MBD5: variants seen among roughly 807,000 people sequenced by gnomAD.
The protein encoded by MBD5 is methyl-CpG binding domain protein 5.
In MBD5, 13 loss-of-function variants were observed where a neutral mutation model predicts 117.3. The ratio of observed to expected loss-of-function variants is 0.11; its 90% CI spans 0.07 to 0.18. The LOEUF is 0.18. MBD5 is among the 10% of genes least tolerant of loss of function. The pLI is 1.00. For synonymous variants in MBD5, 727 were observed against 766.4 expected, an observed-to-expected ratio of 0.95 and a Z score of 0.85; for missense variants, 1,879 against 2,093.8, an observed-to-expected ratio of 0.90 and a Z score of 2.00.
intron 4 of MBD5, among the ~76,000 whole-genome samples, chr2:148,421,027 G>T (rs1705587097): frequency 6.6e-6 from 1 of 152,140 alleles, no homozygotes; most frequent in African/African-American, 2.4e-5. Context: ...CTACACCCAT[G>T]AAAAGTGGTG....
intron 1 of MBD5, among the ~76,000 whole-genome samples, chr2:148,039,457 TA>T (rs1195252130): frequency 2.0e-5 from 3 of 152,146 alleles, no homozygotes; most frequent in Non-Finnish European, 4.4e-5. Context: ...CTGATGTACT[TA>T]AGTGTTTGTA....
At chr2:148,203,399 C>T (rs1699191893) in intron 2 of MBD5, among the ~76,000 whole-genome samples, 2 of 152,150 alleles carry the variant, frequency 1.3e-5, no homozygotes, top group African/African-American at 2.4e-5. Context: ...ATTTTCCACC[C>T]ATTCCCTTGC....
At chr2:148,270,226 G>T (rs1700951178) in intron 3 of MBD5, among the ~76,000 whole-genome samples, 1 of 151,934 alleles carries the variant, frequency 6.6e-6, no homozygotes. Flanking sequence ...GTATTGGCTG[G>T]CTTGTCTTGA....
intron 3 of MBD5, among the ~76,000 whole-genome samples, chr2:148,291,609 T>A (rs572155416): frequency 1.3e-4 from 20 of 152,308 alleles, no homozygotes; most frequent in African/African-American, 4.8e-4. Context: ...GCTGAACTTG[T>A]TAATTTTTGT....
intron 1 of MBD5, among the ~76,000 whole-genome samples, chr2:148,152,744 A>G (rs553919421): frequency 1.3e-5 from 2 of 150,338 alleles, no homozygotes; most frequent in African/African-American, 4.9e-5. Context: ...CTGTTTTATC[A>G]GAGACTAGGA....
intron 1 of MBD5, among the ~76,000 whole-genome samples, chr2:148,032,725 TAA>T (rs1254670182): frequency 6.6e-6 from 1 of 152,158 alleles, no homozygotes; most frequent in Non-Finnish European, 1.5e-5. Context: ...CTATTAATTA[TAA>T]AAGATTTGTG....
intron 3 of MBD5, among the ~76,000 whole-genome samples, chr2:148,294,196 G>GTTTT (rs60942822): frequency 7.9e-6 from 1 of 127,146 alleles, no homozygotes; most frequent in African/African-American, 3.0e-5. Flanking sequence ...CCAGAATGAA[G>GTTTT]TTTTTTTTTT....
intron 3 of MBD5, among the ~76,000 whole-genome samples, chr2:148,270,865 CCTT>C (rs1700969433): frequency 1.3e-5 from 2 of 152,274 alleles, no homozygotes; most frequent in South Asian, 4.1e-4. Context: ...ACTCAGCACT[CCTT>C]CTGATTTCCT....
intron 1 of MBD5, among the ~76,000 whole-genome samples, chr2:148,088,534 C>T (rs1558920570): frequency 6.6e-6 from 1 of 152,118 alleles, no homozygotes; most frequent in African/African-American, 2.4e-5. Context: ...CTACAAGCCA[C>T]AAGGGACTAG....
intron 1 of MBD5, among the ~76,000 whole-genome samples, chr2:148,153,527 C>T: frequency 1.2e-5 from 1 of 82,054 alleles, no homozygotes; most frequent in Non-Finnish European, 2.6e-5. Flanking sequence ...TAATATCCTG[C>T]AGAGTGTTTT....
intron 3 of MBD5, among the ~76,000 whole-genome samples, chr2:148,302,709 A>C (rs1574260706): frequency 6.6e-6 from 1 of 151,952 alleles, no homozygotes; most frequent in African/African-American, 2.4e-5. Context: ...GTCATGGCTC[A>C]CTGCAGCCTC....
chr2:148,423,733 C>T (rs530394698), intron 4 of MBD5, among the ~76,000 whole-genome samples: 1 of 152,128 alleles, frequency 6.6e-6, no homozygotes, highest in East Asian at 1.9e-4. Context: ...ACTAAGTGCC[C>T]CAATTAAAAG....
intron 1 of MBD5, among the ~76,000 whole-genome samples, chr2:148,063,480 ACT>A (rs1348587116): frequency 1.3e-5 from 2 of 152,110 alleles, no homozygotes; most frequent in Admixed American, 6.5e-5. Flanking sequence ...ACCTGGCTCA[ACT>A]CTGCTTTTTT....
chr2:148,269,918 TTTC>T (rs1339574767), intron 3 of MBD5, among the ~76,000 whole-genome samples: 4 of 152,046 alleles, frequency 2.6e-5, no homozygotes, highest in Non-Finnish European at 5.9e-5. Flanking sequence ...CTGAAGATTT[TTTC>T]TTAACTTAGA....
At chr2:148,410,874 T>C (rs1016140870) in intron 4 of MBD5, among the ~76,000 whole-genome samples, 1 of 152,236 alleles carries the variant, frequency 6.6e-6, no homozygotes, top group African/African-American at 2.4e-5. Context: ...ACTTTTATTT[T>C]AGATTCAGGG....
At chr2:148,156,813 C>T (rs539149686) in intron 1 of MBD5, among the ~76,000 whole-genome samples, 2 of 152,276 alleles carry the variant, frequency 1.3e-5, no homozygotes, top group East Asian at 1.9e-4. Context: ...TCATTTAAAT[C>T]ACAAGACTGT....
At chr2:148,394,685 T>A (rs888233711) in intron 4 of MBD5, among the ~76,000 whole-genome samples, 43 of 150,844 alleles carry the variant, frequency 2.9e-4, no homozygotes, top group African/African-American at 1.0e-3. Context: ...CTATTTTTTC[T>A]TGTTATTATT....
chr2:148,144,074 G>A (rs1697384351), intron 1 of MBD5, among the ~76,000 whole-genome samples: 1 of 152,232 alleles, frequency 6.6e-6, no homozygotes, highest in South Asian at 2.1e-4. Context: ...CAGTGTAAAA[G>A]TGTTCCTATT....
At chr2:148,293,712 A>T (rs1211691178) in intron 3 of MBD5, among the ~76,000 whole-genome samples, 1 of 152,208 alleles carries the variant, frequency 6.6e-6, no homozygotes, top group Non-Finnish European at 1.5e-5. Flanking sequence ...TCTGGGGGGA[A>T]AACATGCATT....
Sources: gnomAD v4.1 joint callset for allele counts (sites outside exome capture counted in the v4.1 genomes callset) on GRCh38, gnomAD v4.1.1 for gene constraint, MANE v1.5 for transcripts, NCBI Gene and HGNC (gene_info 2026-07-23, HGNC 2026-07-21) for gene names.